Variants in GLCE observed in about 807,000 individuals in gnomAD.
GLCE encodes the protein D-glucuronyl C5-epimerase.
A neutral mutation model predicts 47.9 loss-of-function variants in GLCE; 19 were observed. The observed-to-expected ratio is 0.40, with a 90% confidence interval of 0.28 to 0.58. The LOEUF is 0.58. GLCE is among the 20% of genes least tolerant of loss of function. The pLI, the probability that GLCE is intolerant of heterozygous loss-of-function variation, is 0.48. For synonymous variants in GLCE, 245 were observed against 263.4 expected, an observed-to-expected ratio of 0.93 and a Z score of 0.68; for missense variants, 556 against 743.3, an observed-to-expected ratio of 0.75 and a Z score of 2.93.
intron 2 of GLCE, among the ~76,000 whole-genome samples, chr15:69,217,093 A>G (rs372866120): frequency 2.6e-5 from 4 of 152,180 alleles, no homozygotes; most frequent in East Asian, 3.9e-4. Context: ...TGTTATTATG[A>G]TGATGATGAC....
intron 2 of GLCE, among the ~76,000 whole-genome samples, chr15:69,215,437 A>G (rs2052292006): frequency 6.6e-6 from 1 of 152,094 alleles, no homozygotes; most frequent in Non-Finnish European, 1.5e-5. Context: ...GTAGTATTCT[A>G]TTATATGTAC....
chr15:69,205,819 T>TA (rs1374167227), intron 1 of GLCE, among the ~76,000 whole-genome samples: 2 of 152,132 alleles, frequency 1.3e-5, no homozygotes, highest in Non-Finnish European at 2.9e-5. Flanking sequence ...CTTTGACCAT[T>TA]AAAAACAACC....
chr15:69,253,495 C>T lies in GLCE; in HGVS notation c.-13-2299C>T, dbSNP rs545148645. 1.2e-4 allele frequency among the ~76,000 whole-genome samples: 18 copies of T among 152,106 alleles called. No individual in the cohort carries two copies. In the East Asian group the frequency reaches 2.7e-3, roughly 23 times the overall value. On this transcript the variant is annotated intron_variant, in intron 2 of 4. Transcript: ENST00000261858. ...TCTCCCTTAAATGTGAATGAGTAAC[C>T]GAAGATCACCAGGCATGGTGGGAAA...
chr15:69,231,625 A>G (rs944335200), intron 2 of GLCE, among the ~76,000 whole-genome samples: 9 of 152,084 alleles, frequency 5.9e-5, no homozygotes, highest in Non-Finnish European at 1.2e-4. Flanking sequence ...TTGATGGACT[A>G]TTCGCTGAGC....
intron 2 of GLCE, among the ~76,000 whole-genome samples, chr15:69,246,386 C>T (rs1232073382): frequency 6.6e-6 from 1 of 152,050 alleles, no homozygotes; most frequent in East Asian, 1.9e-4. Flanking sequence ...CATCTATGGC[C>T]AGCTATAGTG....
At chr15:69,245,090 G>A (rs2052727547) in intron 2 of GLCE, among the ~76,000 whole-genome samples, 1 of 152,080 alleles carries the variant, frequency 6.6e-6, no homozygotes, top group Non-Finnish European at 1.5e-5. Context: ...CCAGCACTTT[G>A]GGAGGCCAAG....
chr15:69,183,932 A>G (rs1293432566), intron 1 of GLCE, among the ~76,000 whole-genome samples: 1 of 152,224 alleles, frequency 6.6e-6, no homozygotes, highest in Non-Finnish European at 1.5e-5. Flanking sequence ...TTAGAGCAAG[A>G]ATGACTTTAA....
At position 69,272,055 on chromosome 15, in the gene GLCE, C is replaced by G. The variant is rs1031140900; in HGVS notation, c.*2811C>G. 6.6e-6 allele frequency: 1 copy of G among 152,612 alleles called. No homozygotes were observed. Among genetic ancestry groups the G allele is most frequent in the Non-Finnish European group, 1.5e-5 (1 of 68,026 alleles). 9.5% of individuals were successfully genotyped at this position (152,612 alleles called of 1,614,324 possible). On this transcript the variant is annotated 3_prime_UTR_variant, in exon 5 of 5. Coordinates refer to ENST00000261858, the MANE Select transcript of GLCE (RefSeq NM_015554.3). ...AGCTGTACAGACTTTGCAGTTTAAGCACAATGTGCACATGTTAGTTTTATA... is the reference window on the plus strand; with the variant it reads ...AGCTGTACAGACTTTGCAGTTTAAGGACAATGTGCACATGTTAGTTTTATA...
At chr15:69,170,122 T>A (rs11634917) in intron 1 of GLCE, among the ~76,000 whole-genome samples, 105,824 of 152,008 alleles carry the variant, frequency 0.7, 37,868 homozygotes, top group Non-Finnish European at 0.77. Flanking sequence ...TTCTAGAAAG[T>A]TGCTAATTTA....
At chr15:69,198,321 A>C (rs369559183) in intron 1 of GLCE, among the ~76,000 whole-genome samples, 2 of 152,164 alleles carry the variant, frequency 1.3e-5, no homozygotes, top group Non-Finnish European at 2.9e-5. Flanking sequence ...CCATTGTTGC[A>C]TAACAAATTA....
At chr15:69,222,192 T>A (rs1245974515) in intron 2 of GLCE, among the ~76,000 whole-genome samples, 1 of 152,204 alleles carries the variant, frequency 6.6e-6, no homozygotes, top group East Asian at 1.9e-4. Flanking sequence ...CAGGCTGGGC[T>A]AGAGGGGCTG....
chr15:69,175,527 A>T (rs1186854232), intron 1 of GLCE, among the ~76,000 whole-genome samples: 1 of 152,224 alleles, frequency 6.6e-6, no homozygotes, highest in Non-Finnish European at 1.5e-5. Context: ...ATATTTTAAC[A>T]TGTTTAAGAA....
chr15:69,211,069 A>G (rs558748973), intron 2 of GLCE, among the ~76,000 whole-genome samples: 2 of 152,140 alleles, frequency 1.3e-5, no homozygotes, highest in Non-Finnish European at 2.9e-5. Context: ...AAATATGCAT[A>G]TAAGTATATG....
In GLCE at chr15:69,261,115, T is replaced by G; in HGVS notation, c.615T>G (p.Pro205=). 1 of 1,613,168 alleles carries G rather than the reference T, an allele frequency of 6.2e-7. No homozygotes were observed. The highest frequency in any genetic ancestry group is 8.5e-7 in the Non-Finnish European group (1 of 1,179,120). ...TGCCATTATCTACACAATGGGGACC[T>G]CAAGGCTATTTCTATCCAATCCAGA... ...EGVPLSTQWG[P]QGYFYPIQIA... The change falls in exon 4 of 5, where the codon CCT becomes CCG. Residue 205 remains proline, a synonymous_variant. Coordinates refer to ENST00000261858, the MANE Select transcript of GLCE (RefSeq NM_015554.3).
chr15:69,198,227 G>A (rs948548660), intron 1 of GLCE, among the ~76,000 whole-genome samples: 3 of 151,894 alleles, frequency 2.0e-5, no homozygotes, highest in South Asian at 2.1e-4. Context: ...CTGGATTGTC[G>A]ATACCTTGAT....
At chr15:69,199,554 T>C (rs1005119374) in intron 1 of GLCE, among the ~76,000 whole-genome samples, 2 of 152,184 alleles carry the variant, frequency 1.3e-5, no homozygotes, top group Non-Finnish European at 2.9e-5. Context: ...TGAAGAAAAC[T>C]AAGGAATCTC....
intron 1 of GLCE, among the ~76,000 whole-genome samples, chr15:69,198,370 T>C (rs1276426490): frequency 2.0e-5 from 3 of 152,160 alleles, no homozygotes; most frequent in Non-Finnish European, 2.9e-5. Flanking sequence ...ATTTATTATA[T>C]TGCAGTGAGT....
At chr15:69,194,958 T>C (rs959732363) in intron 1 of GLCE, among the ~76,000 whole-genome samples, 44 of 152,136 alleles carry the variant, frequency 2.9e-4, no homozygotes, top group African/African-American at 9.7e-4. Context: ...TGAGGTAATA[T>C]GTTGTGAAAG....
intron 1 of GLCE, among the ~76,000 whole-genome samples, chr15:69,186,517 A>G (rs1023144772): frequency 6.6e-6 from 1 of 152,236 alleles, no homozygotes; most frequent in African/African-American, 2.4e-5. Context: ...ATATTCTAAT[A>G]GTAAACTGTA....
Sources: allele counts gnomAD v4.1 joint callset (sites outside exome capture counted in the v4.1 genomes callset), GRCh38; gene constraint gnomAD v4.1.1; transcripts MANE v1.5; gene names NCBI Gene and HGNC (gene_info 2026-07-23, HGNC 2026-07-21).